The following TGM2 variants were observed in gnomAD, a reference collection of about 807,000 sequenced individuals.
The protein encoded by TGM2 is protein-glutamine gamma-glutamyltransferase 2.
A neutral mutation model predicts 75.6 loss-of-function variants in TGM2; 53 were observed. The observed-to-expected ratio is 0.70, with a 90% CI of 0.56 to 0.88. TGM2 has a LOEUF of 0.88. TGM2 is among the 40% of genes least tolerant of loss of function. The probability of loss-of-function intolerance (pLI) is 0.00; values close to 1 mark genes in which losing one functional copy is unlikely to be tolerated. For synonymous variants in TGM2, 374 were observed against 381.1 expected, an observed-to-expected ratio of 0.98 and a Z score of 0.22; for missense variants, 842 against 928.5, an observed-to-expected ratio of 0.91 and a Z score of 1.21.
chr20:38,141,026 G>T (rs987910833), intron 8 of TGM2, among the ~76,000 whole-genome samples: 1 of 152,136 alleles, frequency 6.6e-6, no homozygotes, highest in African/African-American at 2.4e-5. Flanking sequence ...ATTTTAGAGG[G>T]AGGAGACAAA....
chr20:38,146,386 C>G (rs1223438336), intron 6 of TGM2: 2 of 422,466 alleles, frequency 4.7e-6, no homozygotes, highest in Non-Finnish European at 8.9e-6. Flanking sequence ...AAGTCATTTG[C>G]TCAAGGTCAC....
At chr20:38,134,209 C>G (rs1025114748) in intron 10 of TGM2, among the ~76,000 whole-genome samples, 1 of 152,168 alleles carries the variant, frequency 6.6e-6, no homozygotes, top group African/African-American at 2.4e-5. Flanking sequence ...TGGTGGTCTG[C>G]GTCCTCCTCT....
intron 2 of TGM2, among the ~76,000 whole-genome samples, chr20:38,160,391 G>A (rs529700051): frequency 3.9e-5 from 6 of 152,328 alleles, no homozygotes; most frequent in Admixed American, 1.3e-4. Context: ...CTGGGGATGA[G>A]ACGCCTGGGG....
Position 38,165,136 on chromosome 20 carries a change from C to G in TGM2, c.10+53G>C, listed in dbSNP as rs1417223246. ...GGATTCAGCTCCCACCGGGTCCTGA[C>G]CCCCAATGCCCCGGGGCCCCTGAGT... On this transcript the variant is annotated intron_variant, in intron 1 of 12. Coordinates refer to ENST00000361475, the MANE Select transcript of TGM2 (RefSeq NM_004613.4). The G allele has an allele frequency of 1.7e-5, 27 of 1,613,582 alleles. 1 individual carries two copies. Among genetic ancestry groups the G allele is most frequent in the Non-Finnish European group, 2.0e-5 (24 of 1,179,694 alleles).
rs772874225 is a variant in TGM2 at position 38,139,650 on chromosome 20, C to T, written c.1104G>A (p.Thr368=). ...GAACTGGAACTGGGCCACAGCAGTA[C>T]GTCCCTGGCAGAGGTAGAAAGGGGA... is the stretch of plus-strand genomic sequence containing the variant. ...DPTPQEKSEG[T]YCCGPVPVRA... is the part of the protein sequence containing the mutation. Residue 368 remains threonine, a synonymous_variant, in exon 9 of 13, where the codon ACG becomes ACA. Transcript: ENST00000361475. 1.1e-5 allele frequency: 17 copies of T among 1,614,108 alleles called. No individual in the cohort carries two copies. Among genetic ancestry groups the T allele is most frequent in the African/African-American group, 2.7e-5 (2 of 75,032 alleles).
intron 8 of TGM2, 139 bp from the exon 9 acceptor site, chr20:38,139,793 G>C: frequency 8.6e-7 from 1 of 1,158,862 alleles, no homozygotes; most frequent in South Asian, 1.5e-5. Flanking sequence ...CCACTTCCAG[G>C]AGGGCACCAC....
intron 2 of TGM2, among the ~76,000 whole-genome samples, chr20:38,156,566 C>T (rs929690473): frequency 3.9e-5 from 6 of 152,262 alleles, no homozygotes; most frequent in Non-Finnish European, 8.8e-5. Flanking sequence ...GAAGCCCAGA[C>T]GCTGAGCAGG....
intron 10 of TGM2, 128 bp downstream of exon 10, chr20:38,137,985 G>C (rs946187656): frequency 1.4e-6 from 2 of 1,470,302 alleles, no homozygotes; most frequent in Non-Finnish European, 1.8e-6. Context: ...CTTAGGACAG[G>C]GCCTGCCCCA....
intron 10 of TGM2, among the ~76,000 whole-genome samples, chr20:38,135,284 A>C (rs934998322): frequency 6.6e-6 from 1 of 152,168 alleles, no homozygotes; most frequent in Non-Finnish European, 1.5e-5. Flanking sequence ...TCTGAGCACG[A>C]GAAGGAGCTG....
chr20:38,139,758 C>A, intron 8 of TGM2, 104 bp from the exon 9 acceptor site: 3 of 1,474,946 alleles, frequency 2.0e-6, no homozygotes, highest in Admixed American at 1.9e-5. Context: ...ACCTCAAGAC[C>A]ACGCGGCCCT....
rs749287321 is a variant in TGM2, at chr20:38,138,298, A to T, written c.1430T>A (p.Ile477Asn). ...EKEETGMAMRIRVGQSMNMGS... is the reference protein window; with the variant it reads ...EKEETGMAMRNRVGQSMNMGS... ...CATGTTCATGCTCTGGCCCACACGG[A>T]TCCGCATGGCCATCCCTGTCTCCTC... is the stretch of plus-strand genomic sequence containing the variant. Residue 477 changes from isoleucine (I) to asparagine (N), a missense_variant, in exon 10 of 13, where the codon ATC (isoleucine) becomes AAC (asparagine). Coordinates refer to ENST00000361475, the MANE Select transcript of TGM2 (RefSeq NM_004613.4). 4 of 1,614,164 alleles carry T rather than the reference A, an allele frequency of 2.5e-6. No individual in the cohort carries two copies. The highest frequency in any genetic ancestry group is 8.5e-7 in the Non-Finnish European group (1 of 1,180,020).
chr20:38,141,773 C>T (rs368362503), intron 7 of TGM2, among the ~76,000 whole-genome samples: 207 of 151,524 alleles, frequency 1.4e-3, no homozygotes, highest in African/African-American at 4.8e-3. Context: ...TTGTCAGCCC[C>T]GCCCTCTCCC....
chr20:38,140,618 G>T (rs1287160113), intron 8 of TGM2, among the ~76,000 whole-genome samples: 1 of 152,180 alleles, frequency 6.6e-6, no homozygotes, highest in Non-Finnish European at 1.5e-5. Context: ...CAACCTTACA[G>T]CTGTCCCAGA....
chr20:38,133,606 T>C (rs548801434), intron 10 of TGM2: 1 of 152,252 alleles, frequency 6.6e-6, no homozygotes, highest in Non-Finnish European at 1.5e-5. Context: ...GGTCTGTTTG[T>C]AGGAGGCAGG....
chr20:38,133,116 C>T (rs1028501869), intron 10 of TGM2: 8 of 323,088 alleles, frequency 2.5e-5, no homozygotes, highest in African/African-American at 1.7e-4. Context: ...ACTGTGCAGG[C>T]ATCTGGACTA....
chr20:38,146,380 C>A (rs986006996), intron 6 of TGM2: 3 of 411,542 alleles, frequency 7.3e-6, no homozygotes, highest in Non-Finnish European at 1.4e-5. Context: ...AGAAAGAAGT[C>A]ATTTGCTCAA....
rs145978778 is a variant in TGM2, at chr20:38,132,834, G to C, written c.1616-334C>G. On this transcript the variant is annotated intron_variant, in intron 10 of 12. Transcript: ENST00000361475. ...ATCTGCGTGGCACAGGCACTCCTAA[G>C]GCTGTGGGAGGATGAGCTGAGCGAG... The C allele has an allele frequency of 2.4e-3, 1,118 of 471,662 alleles. 11 individuals carry two copies. The highest frequency in any genetic ancestry group is 0.02 in the African/African-American group (1,007 of 50,820). The allele number at this position is 471,662 out of a possible 1,614,324, so 29.2% of individuals were successfully genotyped here.
At position 38,130,341 on chromosome 20, in the gene TGM2, C is replaced by G; in HGVS notation, c.1942G>C (p.Val648Leu). 6.2e-7 allele frequency: 1 copy of G among 1,601,462 alleles called. No homozygotes were observed. Among genetic ancestry groups the G allele is most frequent in the Non-Finnish European group, 8.5e-7 (1 of 1,174,740 alleles). The stretch of plus-strand genomic sequence containing the variant: ...GGCAGCAGGTCCATTCTCACCTTAA[C>G]TTCCTCCCCTGCCTCCACGGGGTCT... ...IPDPVEAGEE[V>L]KVRMDLLPLH... Residue 648 changes from valine to leucine, a missense_variant, in exon 13 of 13, where the codon GTT becomes CTT. Transcript: ENST00000361475.
chr20:38,155,746 G>A (rs2075175869), intron 3 of TGM2, 101 bp downstream of exon 3: 1 of 1,477,032 alleles, frequency 6.8e-7, no homozygotes, highest in Non-Finnish European at 9.0e-7. Context: ...ACTTTGATGT[G>A]TGTCTCTTAT....
Sources: gnomAD v4.1 joint callset for allele counts (sites outside exome capture counted in the v4.1 genomes callset) on GRCh38, gnomAD v4.1.1 for gene constraint, MANE v1.5 for transcripts, NCBI Gene and HGNC (gene_info 2026-07-23, HGNC 2026-07-21) for gene names.